Variants in PLAT observed in about 807,000 individuals in gnomAD.
PLAT encodes the protein plasminogen activator, tissue type.
Under a neutral mutation model 74.9 loss-of-function variants are expected in PLAT, and 48 were observed. That is an observed-to-expected ratio of 0.64 (90% CI 0.51 to 0.82). The LOEUF (loss-of-function observed/expected upper bound fraction) is 0.82, where lower values mean the gene tolerates loss of function less well. Among genes scored for constraint, PLAT ranks in the 40% least tolerant of loss-of-function variants. The probability of loss-of-function intolerance (pLI) is 0.00; values close to 1 mark genes in which losing one functional copy is unlikely to be tolerated. For missense variants in PLAT, 673 were observed against 736.2 expected (o/e 0.91, Z 0.99); for synonymous variants, 307 against 294.4 (o/e 1.04, Z -0.44).
rs753993747 is a variant in PLAT at position 42,182,743 on chromosome 8, C to T, written c.779G>A (p.Gly260Asp). Residue 260 changes from glycine (G) to aspartate (D), a missense_variant, in exon 8 of 14, where the codon GGC becomes GAC. Transcript: ENST00000220809. ...TAQNPSAQAL[G>D]LGKHNYCRNP... ...CCGGCAGTAATTATGTTTGCCCAGG[C>T]CCAGTGCCTGGGCACTGGGGTTCTG... 2.4e-5 allele frequency: 39 copies of T among 1,610,746 alleles called. No individual in the cohort carries two copies. The highest frequency in any genetic ancestry group is 3.1e-5 in the Non-Finnish European group (37 of 1,178,824).
rs1390982266 is a variant in PLAT, at chr8:42,181,977, G to T, written c.849C>A (p.Asn283Lys). The T allele has an allele frequency of 1.9e-6, 3 of 1,612,850 alleles. No homozygotes were observed. Among genetic ancestry groups the T allele is most frequent in the East Asian group, 2.2e-5 (1 of 44,878 alleles). The change falls in exon 9 of 14, where the codon AAC becomes AAA. Residue 283 changes from asparagine (N) to lysine (K), a missense_variant. Transcript: ENST00000220809. ...DAKPWCHVLKNRRLTWEYCDV... is the reference protein window; with the variant it reads ...DAKPWCHVLKKRRLTWEYCDV... ...CACAGTACTCCCACGTCAGCCTGCG[G>T]TTCTTCAGCACGTGGCACCAGGGCT... is the stretch of plus-strand genomic sequence containing the variant.
chr8:42,187,849 C>A, intron 5 of PLAT, 57 bp downstream of exon 5: 3 of 1,196,702 alleles, frequency 2.5e-6, no homozygotes. Context: ...CTTCCGGGGG[C>A]GGGGGAGACT....
At chr8:42,201,561 A>G (rs140807217) in intron 1 of PLAT, among the ~76,000 whole-genome samples, 7 of 152,320 alleles carry the variant, frequency 4.6e-5, no homozygotes, top group African/African-American at 1.4e-4. Context: ...GTTAGCCTAT[A>G]ACCAATTCTC....
intron 7 of PLAT, 74 bp from the exon 8 acceptor site, chr8:42,182,964 C>G: frequency 8.1e-7 from 1 of 1,239,910 alleles, no homozygotes; most frequent in South Asian, 1.4e-5. Flanking sequence ...GGGCTTGAAG[C>G]GGAGCTGCCG....
At position 42,185,385 on chromosome 8, in the gene PLAT, T is replaced by A. The variant is rs942307665; in HGVS notation, c.540-213A>T. 5 of 384,920 alleles carry A rather than the reference T, an allele frequency of 1.3e-5. No homozygotes were observed. The Admixed American group carries it at 2.2e-4, about 17-fold the overall frequency. 23.8% of individuals were successfully genotyped at this position (384,920 alleles called of 1,614,324 possible). A position where few individuals can be genotyped will look rare whatever the true frequency, so the allele number is the denominator to read the frequency against. On this transcript the variant is annotated intron_variant, in intron 6 of 13. Coordinates refer to ENST00000220809, the MANE Select transcript of PLAT (RefSeq NM_000930.5). The stretch of plus-strand genomic sequence containing the variant: ...TTTGGGCAATTCTTCAGCCTCAGCT[T>A]CCCGAGTAGCTGGGATTACAGGTGC...
chr8:42,187,250 A>G (rs1319596403), intron 6 of PLAT, 148 bp downstream of exon 6: 1 of 577,326 alleles, frequency 1.7e-6, no homozygotes, highest in South Asian at 3.0e-5. Flanking sequence ...TCTATCACCT[A>G]TCATCTATTA....
At chr8:42,203,831 C>T (rs1423523405) in intron 1 of PLAT, among the ~76,000 whole-genome samples, 2 of 151,828 alleles carry the variant, frequency 1.3e-5, no homozygotes, top group Non-Finnish European at 2.9e-5. Flanking sequence ...CTGGATATGG[C>T]AGCATGCCCC....
chr8:42,180,611 G>T lies in PLAT; in HGVS notation c.964C>A (p.His322Asn). 6.2e-7 allele frequency: 1 copy of T among 1,613,054 alleles called. No homozygotes were observed. The highest frequency in any genetic ancestry group is 8.5e-7 in the Non-Finnish European group (1 of 1,179,270). Residue 322 changes from histidine to asparagine, a missense_variant, in exon 10 of 14, where the codon CAC (histidine) becomes AAC (asparagine). Physicochemically the swap from His to Asn is moderately conservative, Grantham distance 68 (BLOSUM62 1). Transcript: ENST00000220809. ...GCAAAGATGGCAGCCTGCCAGGGGTGGGAGGCGATGTCGGCGAAGAGCCCT... is the reference window on the plus strand; with the variant it reads ...GCAAAGATGGCAGCCTGCCAGGGGTTGGAGGCGATGTCGGCGAAGAGCCCT... ...KGGLFADIAS[H>N]PWQAAIFAKH...
chr8:42,183,375 C>T (rs1448072153), intron 7 of PLAT, among the ~76,000 whole-genome samples: 4 of 152,186 alleles, frequency 2.6e-5, no homozygotes, highest in Non-Finnish European at 5.9e-5. Flanking sequence ...CCGGAAGTGG[C>T]TCCCTAGATT....
rs778601318 is a variant in PLAT at position 42,180,032 on chromosome 8, A to G, written c.1257T>C (p.Cys419=). The G allele has an allele frequency of 1.1e-5, 17 of 1,609,622 alleles. No individual in the cohort carries two copies. The highest frequency in any genetic ancestry group is 1.2e-5 in the Non-Finnish European group (14 of 1,177,306). ...TGCGGACCACGCTGCTCTCCTGGGC[A>G]CAGCGGGACGAATCCGATTTCAGCT... ...LLQLKSDSSR[C]AQESSVVRTV... is the part of the protein sequence containing the mutation. The change falls in exon 12 of 14, where the codon TGT becomes TGC. Residue 419 remains cysteine, a synonymous_variant. Coordinates refer to ENST00000220809, the MANE Select transcript of PLAT (RefSeq NM_000930.5).
At chr8:42,189,433 G>A (rs963787096) in intron 3 of PLAT, among the ~76,000 whole-genome samples, 12 of 151,636 alleles carry the variant, frequency 7.9e-5, no homozygotes, top group Admixed American at 1.3e-4. Flanking sequence ...CAGGAGTATT[G>A]CTTGAACCCA....
intron 7 of PLAT, chr8:42,184,652 G>A (rs1471916582): frequency 6.6e-6 from 1 of 151,060 alleles, no homozygotes; most frequent in Non-Finnish European, 1.5e-5. Context: ...AAGCCACTGT[G>A]CCTGGTCTTG....
chr8:42,181,482 G>A lies in PLAT; in HGVS notation c.889+455C>T, dbSNP rs139794787. Among the ~76,000 whole-genome samples, 5 of 152,304 alleles carry A rather than the reference G, an allele frequency of 3.3e-5. No individual in the cohort carries two copies. In the East Asian group the frequency reaches 9.6e-4, roughly 29 times the overall value. On this transcript the variant is annotated intron_variant, in intron 9 of 13. Transcript: ENST00000220809. ...CCCTAGCTTTACCTCCCGGTGCCCA[G>A]CGAGCTTGGGCAGGCCACCTGGCGT...
intron 5 of PLAT, 59 bp downstream of exon 5, chr8:42,187,847 G>C: frequency 8.4e-7 from 1 of 1,190,132 alleles, no homozygotes. Context: ...TCCTTCCGGG[G>C]GCGGGGGAGA....
At chr8:42,194,050 C>CTTTTTTTT (rs59850705) in intron 1 of PLAT, among the ~76,000 whole-genome samples, 877 of 84,888 alleles carry the variant, frequency 0.01, 34 homozygotes, top group East Asian at 0.017. Flanking sequence ...TTTCTTCTTT[C>CTTTTTTTT]TTTTTTTTTT....
chr8:42,203,950 G>A (rs1166214076), intron 1 of PLAT, among the ~76,000 whole-genome samples: 1 of 141,710 alleles, frequency 7.1e-6, no homozygotes, highest in Non-Finnish European at 1.5e-5. Flanking sequence ...GGGTGATGGA[G>A]TCAGACCTTG....
rs1186671359 is a variant in PLAT, at chr8:42,178,907, T to C, written c.1520A>G (p.Asp507Gly). Residue 507 changes from aspartate to glycine, a missense_variant, in exon 13 of 14, where the codon GAC becomes GGC. Coordinates refer to ENST00000220809, the MANE Select transcript of PLAT (RefSeq NM_000930.5). ...GCCACTCCTGGTTACCTGGCAGGCG[T>C]CGTGCAAGTTTGCCTGGGGCCCGCC... is the stretch of plus-strand genomic sequence containing the variant. ...RSGGPQANLH[D>G]ACQGDSGGPL... is the part of the protein sequence containing the mutation. The C allele has an allele frequency of 1.2e-6, 2 of 1,613,290 alleles. No homozygotes were observed. Among genetic ancestry groups the C allele is most frequent in the South Asian group, 1.1e-5 (1 of 91,046 alleles).
chr8:42,189,201 A>G (rs1025919453), intron 3 of PLAT, 130 bp from the exon 4 acceptor site: 4 of 859,576 alleles, frequency 4.7e-6, no homozygotes, highest in Admixed American at 2.3e-5. Flanking sequence ...CTTATTGAAG[A>G]GACACAACTG....
rs151016162 is a variant in PLAT at position 42,201,434 on chromosome 8, C to T, written c.-27+6060G>A. Among the ~76,000 whole-genome samples, 46 of 152,308 alleles carry T rather than the reference C, an allele frequency of 3.0e-4. No individual in the cohort carries two copies. The East Asian group carries it at 7.1e-3, about 24-fold the overall frequency. On this transcript the variant is annotated intron_variant, in intron 1 of 13. Coordinates refer to ENST00000220809, the MANE Select transcript of PLAT (RefSeq NM_000930.5). ...CCTCAACAAAAGCACTGAGGCTTCC[C>T]GCTTCTCCCTGGAACAACTTGAAGC...
Sources: allele counts gnomAD v4.1 joint callset (sites outside exome capture counted in the v4.1 genomes callset), GRCh38; gene constraint gnomAD v4.1.1; transcripts MANE v1.5; gene names NCBI Gene and HGNC (gene_info 2026-07-23, HGNC 2026-07-21).